NELL2: variants seen among roughly 807,000 people sequenced by gnomAD.
NELL2 encodes the protein neural EGFL like 2, also known as protein kinase C-binding protein NELL2.
NELL2 carries 41 observed loss-of-function variants against 109.6 expected under a neutral mutation model. The ratio of observed to expected loss-of-function variants is 0.37; its 90% CI spans 0.29 to 0.49. The LOEUF (loss-of-function observed/expected upper bound fraction) is 0.49. Among genes scored for constraint, NELL2 ranks in the 20% least tolerant of loss-of-function variants. The probability of loss-of-function intolerance (pLI) is 0.98; values close to 1 mark genes in which losing one functional copy is unlikely to be tolerated. For missense variants in NELL2, 900 were observed against 1,008.3 expected, an observed-to-expected ratio of 0.89 and a Z score of 1.45; for synonymous variants, 355 against 344.7, an observed-to-expected ratio of 1.03 and a Z score of -0.33.
intron 15 of NELL2, among the ~76,000 whole-genome samples, chr12:44,538,440 C>T (rs528315493): frequency 2.6e-5 from 4 of 152,172 alleles, no homozygotes; most frequent in Non-Finnish European, 5.9e-5. Context: ...GTTTACAACA[C>T]ACGTTCACAT....
rs183902777 is a variant in NELL2, at chr12:44,872,041, G to A, written c.184+3184C>T. ...CATTGCTAGAAAGTCCTAGAATGGT[G>A]CTTCTGTATACTCTCATTCCTGATC... On this transcript the variant is annotated intron_variant, in intron 2 of 19. Coordinates refer to ENST00000429094, the MANE Select transcript of NELL2 (RefSeq NM_001145108.2). 7.9e-4 allele frequency among the ~76,000 whole-genome samples: 121 copies of A among 152,226 alleles called. 1 individual carries two copies. Among genetic ancestry groups the A allele is most frequent in the Middle Eastern group, 3.4e-3 (1 of 294 alleles).
At chr12:44,755,249 C>T (rs1454963512) in intron 9 of NELL2, among the ~76,000 whole-genome samples, 3 of 152,204 alleles carry the variant, frequency 2.0e-5, no homozygotes, top group Non-Finnish European at 2.9e-5. Context: ...TTCATATATA[C>T]CATGAAATAC....
At chr12:44,571,200 C>T (rs1822617967) in intron 15 of NELL2, among the ~76,000 whole-genome samples, 1 of 152,194 alleles carries the variant, frequency 6.6e-6, no homozygotes, top group African/African-American at 2.4e-5. Context: ...CATTTCCTCT[C>T]TATAGATGGT....
At chr12:44,674,097 T>C (rs1483519186) in intron 12 of NELL2, among the ~76,000 whole-genome samples, 3 of 152,106 alleles carry the variant, frequency 2.0e-5, no homozygotes, top group East Asian at 3.9e-4. Context: ...AACATATACA[T>C]TGTGCATTGA....
intron 9 of NELL2, among the ~76,000 whole-genome samples, chr12:44,759,951 G>A (rs10748402): frequency 0.7 from 106,003 of 151,514 alleles, 37,347 homozygotes; most frequent in Non-Finnish European, 0.74. Context: ...TTTAAAATTC[G>A]TATCATATAC....
chr12:44,739,212 T>C (rs577845275), intron 9 of NELL2, among the ~76,000 whole-genome samples: 5 of 152,144 alleles, frequency 3.3e-5, no homozygotes, highest in Non-Finnish European at 7.3e-5. Flanking sequence ...CAATAATTCG[T>C]GTGTGTGTAT....
At chr12:44,682,523 G>C (rs2136374116) in intron 12 of NELL2, among the ~76,000 whole-genome samples, 1 of 152,244 alleles carries the variant, frequency 6.6e-6, no homozygotes, top group African/African-American at 2.4e-5. Flanking sequence ...TATTGCCTAG[G>C]TTTTCTTCTA....
rs1214244175 is a variant in NELL2 at position 44,736,424 on chromosome 12, G to T, written c.995-21683C>A. On this transcript the variant is annotated intron_variant, in intron 9 of 19. Transcript: ENST00000429094. ...ACAGAAACTGCAAGGCAAAGACTAA[G>T]ATTCTAGCATTCTAAAGGGCAAAGT... Among the ~76,000 whole-genome samples the T allele has an allele frequency of 3.9e-5, 6 of 152,114 alleles. No individual in the cohort carries two copies. In the East Asian group the frequency reaches 1.2e-3, roughly 29 times the overall value.
At chr12:44,794,347 G>A (rs867238487) in intron 3 of NELL2, among the ~76,000 whole-genome samples, 15 of 152,106 alleles carry the variant, frequency 9.9e-5, no homozygotes, top group African/African-American at 3.6e-4. Flanking sequence ...TTTCAAAAAG[G>A]AAAGGGCTCA....
intron 13 of NELL2, among the ~76,000 whole-genome samples, chr12:44,624,988 ATG>A (rs140704209): frequency 0.4 from 27,573 of 69,350 alleles, 4,088 homozygotes; most frequent in Admixed American, 0.43. Context: ...ATATATATAT[ATG>A]TGTGTGTATA....
intron 9 of NELL2, among the ~76,000 whole-genome samples, chr12:44,744,164 C>A (rs894574759): frequency 2.0e-5 from 3 of 152,258 alleles, no homozygotes; most frequent in African/African-American, 7.2e-5. Context: ...AACCGCTCAA[C>A]TACATGGAAA....
intron 15 of NELL2, among the ~76,000 whole-genome samples, chr12:44,599,736 A>G (rs1474203356): frequency 6.6e-6 from 1 of 152,166 alleles, no homozygotes; most frequent in African/African-American, 2.4e-5. Flanking sequence ...AGGAGTCCCT[A>G]GCAAGGTAAA....
chr12:44,746,237 C>T (rs1268381930), intron 9 of NELL2, among the ~76,000 whole-genome samples: 1 of 152,172 alleles, frequency 6.6e-6, no homozygotes, highest in African/African-American at 2.4e-5. Context: ...GGAAAATTGG[C>T]TAGCCATATG....
At chr12:44,779,791 G>C in intron 4 of NELL2, 32 bp from the exon 5 acceptor site, 2 of 1,613,126 alleles carry the variant, frequency 1.2e-6, no homozygotes, top group Non-Finnish European at 1.7e-6. Context: ...GAAGGAACGT[G>C]AGTAGACAGT....
At position 44,528,791 on chromosome 12, in the gene NELL2, G is replaced by A. The variant is rs138417392; in HGVS notation, c.1804+3790C>T. Among the ~76,000 whole-genome samples the A allele has an allele frequency of 2.3e-3, 345 of 152,280 alleles. 1 individual carries two copies. The highest frequency in any genetic ancestry group is 7.7e-3 in the African/African-American group (319 of 41,572). The stretch of plus-strand genomic sequence containing the variant: ...AGTGAATAGAGTGTCAGAGGTGGGA[G>A]ACTATTTTAAATTAGCAGTCCAGGA... On this transcript the variant is annotated intron_variant, in intron 16 of 19. Coordinates refer to ENST00000429094, the MANE Select transcript of NELL2 (RefSeq NM_001145108.2).
At chr12:44,521,666 T>C (rs1267592227) in intron 18 of NELL2, among the ~76,000 whole-genome samples, 2 of 152,182 alleles carry the variant, frequency 1.3e-5, no homozygotes, top group Non-Finnish European at 2.9e-5. Flanking sequence ...ATGCCATTGT[T>C]CTATCAATAT....
chr12:44,766,329 G>A (rs577510901), intron 9 of NELL2, among the ~76,000 whole-genome samples: 10 of 152,256 alleles, frequency 6.6e-5, no homozygotes, highest in Admixed American at 4.6e-4. Context: ...TGTTTTGTAC[G>A]TTTGGTTGAG....
intron 1 of NELL2, among the ~76,000 whole-genome samples, chr12:44,888,372 G>T (rs1487394134): frequency 7.3e-6 from 1 of 137,628 alleles, no homozygotes; most frequent in African/African-American, 2.6e-5. Flanking sequence ...TGTGATGAAT[G>T]AACAGTTGGT....
At chr12:44,812,620 TAG>T (rs1465488947) in intron 3 of NELL2, among the ~76,000 whole-genome samples, 21 of 152,042 alleles carry the variant, frequency 1.4e-4, no homozygotes, top group Middle Eastern at 3.4e-3. Flanking sequence ...TGAAACTAAA[TAG>T]ATGAGTGAGG....
Sources: allele counts gnomAD v4.1 joint callset (sites outside exome capture counted in the v4.1 genomes callset), GRCh38; gene constraint gnomAD v4.1.1; transcripts MANE v1.5; gene names NCBI Gene and HGNC (gene_info 2026-07-23, HGNC 2026-07-21).